PRKN: variants seen among roughly 807,000 people sequenced by gnomAD.
PRKN encodes the protein E3 ubiquitin-protein ligase parkin.
In PRKN, 56 loss-of-function variants were observed where a neutral mutation model predicts 59.5. The ratio of observed to expected loss-of-function variants is 0.94; its 90% CI spans 0.76 to 1.18. The LOEUF is 1.18. Among genes scored for constraint, PRKN ranks in the 50% most tolerant of loss-of-function variants. The pLI, the probability that PRKN is intolerant of heterozygous loss-of-function variation, is 0.00. For missense variants in PRKN, 657 were observed against 596.4 expected (o/e 1.10, Z -1.06); for synonymous variants, 250 against 222.1 (o/e 1.13, Z -1.12).
intron 6 of PRKN, among the ~76,000 whole-genome samples, chr6:161,910,609 G>A (rs1291225158): frequency 6.6e-6 from 1 of 152,168 alleles, no homozygotes; most frequent in African/African-American, 2.4e-5. Context: ...CTTTGACAGG[G>A]TTTGAGAGGA....
chr6:161,363,820 C>T lies in PRKN; in HGVS notation c.1168-3615G>A, dbSNP rs1037757718. Among the ~76,000 whole-genome samples the T allele has an allele frequency of 1.3e-5, 2 of 152,058 alleles. No individual in the cohort carries two copies. Among genetic ancestry groups the T allele is most frequent in the Non-Finnish European group, 2.9e-5 (2 of 68,000 alleles). ...TTAAGAATGAGCATAAATAAAAACA[C>T]AGTAATAAAAAACAGCATTTCCCAT... On this transcript the variant is annotated intron_variant, in intron 10 of 11. Transcript: ENST00000366898. The surrounding 1 kb of genome is among the most constrained non-coding windows in gnomAD (Gnocchi z 4.1).
chr6:161,626,867 C>T lies in PRKN; in HGVS notation c.872-57451G>A, dbSNP rs117791744. Among the ~76,000 whole-genome samples the T allele has an allele frequency of 3.3e-3, 501 of 152,280 alleles. 11 individuals carry two copies. The East Asian group carries it at 0.055, about 17-fold the overall frequency. The stretch of plus-strand genomic sequence containing the variant: ...CACACTTGTGGATAATTAACATGGT[C>T]ACCCTCCCCCCACCACCCAGAGCAG... On this transcript the variant is annotated intron_variant, in intron 7 of 11. Transcript: ENST00000366898.
intron 7 of PRKN, among the ~76,000 whole-genome samples, chr6:161,607,342 G>C (rs1782320439): frequency 6.6e-6 from 1 of 152,116 alleles, no homozygotes; most frequent in African/African-American, 2.4e-5. Context: ...GACATCTGGA[G>C]AAAGTCTTCA....
In PRKN at chr6:161,533,755, C is replaced by T. The variant is rs1233322453; in HGVS notation, c.1083+15099G>A. Among the ~76,000 whole-genome samples, 3 of 152,058 alleles carry T rather than the reference C, an allele frequency of 2.0e-5. 1 individual carries two copies. Among genetic ancestry groups the T allele is most frequent in the South Asian group, 4.1e-4 (2 of 4,830 alleles). On this transcript the variant is annotated intron_variant, in intron 9 of 11. Transcript: ENST00000366898. This position sits in a 1 kb window ranked among gnomAD's most constrained non-coding sequence, Gnocchi z 4.1. ...CTTGCAAGGAGCTGCCCTCCTCTCT[C>T]CTTTCTTCCGCCTGTTAAACTTTCC... is the stretch of plus-strand genomic sequence containing the variant.
chr6:161,803,494 TG>T (rs1791177353), intron 6 of PRKN, among the ~76,000 whole-genome samples: 1 of 152,172 alleles, frequency 6.6e-6, no homozygotes, highest in Non-Finnish European at 1.5e-5. Context: ...GAACTGTCCT[TG>T]GGTAGCCACT....
chr6:161,801,401 G>C (rs1453263037), intron 6 of PRKN, among the ~76,000 whole-genome samples: 3 of 152,228 alleles, frequency 2.0e-5, no homozygotes, highest in Non-Finnish European at 4.4e-5. Flanking sequence ...GGGCTATAAA[G>C]GGCCTGGGGA....
intron 7 of PRKN, among the ~76,000 whole-genome samples, chr6:161,590,471 G>A (rs545274142): frequency 1.3e-5 from 2 of 152,266 alleles, no homozygotes; most frequent in East Asian, 1.9e-4. Context: ...GGTGGCGCAC[G>A]CCTGTAATCC....
At chr6:162,598,332 A>T (rs1040226601) in intron 1 of PRKN, among the ~76,000 whole-genome samples, 16 of 152,148 alleles carry the variant, frequency 1.1e-4, no homozygotes, top group African/African-American at 3.9e-4. Flanking sequence ...TCATTTATAT[A>T]CTATTTCAAC....
At chr6:162,399,213 C>T (rs993790681) in intron 2 of PRKN, among the ~76,000 whole-genome samples, 1 of 151,974 alleles carries the variant, frequency 6.6e-6, no homozygotes, top group African/African-American at 2.4e-5. Flanking sequence ...TGGAAGGAAG[C>T]CAGAGATATT....
intron 2 of PRKN, among the ~76,000 whole-genome samples, chr6:162,398,867 A>G (rs1465142512): frequency 5.3e-5 from 8 of 152,192 alleles, no homozygotes; most frequent in Admixed American, 5.2e-4. Flanking sequence ...TAAGAGGGCT[A>G]TTTTCTAATG....
chr6:161,967,671 G>A (rs192810645), intron 6 of PRKN, among the ~76,000 whole-genome samples: 17 of 152,296 alleles, frequency 1.1e-4, no homozygotes, highest in African/African-American at 4.1e-4. Context: ...GAGGCAGAAG[G>A]CTCCGTCATC....
In PRKN at chr6:161,357,426, C is replaced by T. The variant is rs1216399486; in HGVS notation, c.1285+2662G>A. 6.6e-6 allele frequency among the ~76,000 whole-genome samples: 1 copy of T among 152,216 alleles called. No individual in the cohort carries two copies. Among genetic ancestry groups the T allele is most frequent in the Non-Finnish European group, 1.5e-5 (1 of 68,040 alleles). ...ACCGAGGAGGCCACTAAGGCATGGACCCCAGACCTGCTGGGTAAATTCTCC... is the reference window on the plus strand; with the variant it reads ...ACCGAGGAGGCCACTAAGGCATGGATCCCAGACCTGCTGGGTAAATTCTCC... On this transcript the variant is annotated intron_variant, in intron 11 of 11. Transcript: ENST00000366898. The surrounding 1 kb of genome is among the most constrained non-coding windows in gnomAD (Gnocchi z 5.5).
intron 7 of PRKN, among the ~76,000 whole-genome samples, chr6:161,577,927 G>C (rs1781194219): frequency 6.6e-6 from 1 of 152,086 alleles, no homozygotes; most frequent in South Asian, 2.1e-4. Flanking sequence ...TTGGCCGGAG[G>C]TGAATTCCAA....
rs538895472 is a variant in PRKN, at chr6:161,448,791, G to A, written c.1084-61914C>T. Among the ~76,000 whole-genome samples, 6 of 152,238 alleles carry A rather than the reference G, an allele frequency of 3.9e-5. No individual in the cohort carries two copies. In the East Asian group the frequency reaches 9.6e-4, roughly 24 times the overall value. On this transcript the variant is annotated intron_variant, in intron 9 of 11. Coordinates refer to ENST00000366898, the MANE Select transcript of PRKN (RefSeq NM_004562.3). This position sits in a 1 kb window ranked among gnomAD's most constrained non-coding sequence, Gnocchi z 5.1. ...GCATTAGCTGTTCCTCTACCCTTTC[G>A]TTTCTTTGCTGGACAATCCTTATAA...
Position 161,560,225 on chromosome 6 carries a change from T to C in PRKN, c.933+9130A>G, listed in dbSNP as rs1780406151. Among the ~76,000 whole-genome samples, 1 of 152,210 alleles carries C rather than the reference T, an allele frequency of 6.6e-6. No homozygotes were observed. Among genetic ancestry groups the C allele is most frequent in the Non-Finnish European group, 1.5e-5 (1 of 68,034 alleles). On this transcript the variant is annotated intron_variant, in intron 8 of 11. Coordinates refer to ENST00000366898, the MANE Select transcript of PRKN (RefSeq NM_004562.3). The surrounding 1 kb of genome is among the most constrained non-coding windows in gnomAD (Gnocchi z 4.9). ...CTAACTGCCCTGTATAATCAGCCTTTTGAAAGGTTTCCCTGTCCACACTGA... is the reference window on the plus strand; with the variant it reads ...CTAACTGCCCTGTATAATCAGCCTTCTGAAAGGTTTCCCTGTCCACACTGA...
chr6:161,471,246 A>G lies in PRKN; in HGVS notation c.1083+77608T>C, dbSNP rs912710952. Among the ~76,000 whole-genome samples, 7 of 152,218 alleles carry G rather than the reference A, an allele frequency of 4.6e-5. No individual in the cohort carries two copies. Among genetic ancestry groups the G allele is most frequent in the African/African-American group, 1.7e-4 (7 of 41,468 alleles). ...AGAAAAATGCTCTTTCAAAAAGCCTAGAAAGAAATATAGCCAAACATTAGC... is the reference window on the plus strand; with the variant it reads ...AGAAAAATGCTCTTTCAAAAAGCCTGGAAAGAAATATAGCCAAACATTAGC... On this transcript the variant is annotated intron_variant, in intron 9 of 11. Coordinates refer to ENST00000366898, the MANE Select transcript of PRKN (RefSeq NM_004562.3). This position sits in a 1 kb window ranked among gnomAD's most constrained non-coding sequence, Gnocchi z 4.5.
rs190006184 is a variant in PRKN at position 162,255,573 on chromosome 6, G to A, written c.412+6952C>T. ...CTGCATTTCTGATAAACTCCCAATTGCTGCTGCTGGCCCACAGATCACACT... is the reference window on the plus strand; with the variant it reads ...CTGCATTTCTGATAAACTCCCAATTACTGCTGCTGGCCCACAGATCACACT... On this transcript the variant is annotated intron_variant, in intron 3 of 11. Transcript: ENST00000366898. Among the ~76,000 whole-genome samples, 492 of 152,218 alleles carry A rather than the reference G, an allele frequency of 3.2e-3. 1 individual carries two copies. Among genetic ancestry groups the A allele is most frequent in the Admixed American group, 5.2e-3 (80 of 15,298 alleles).
intron 9 of PRKN, among the ~76,000 whole-genome samples, chr6:161,426,311 G>C (rs1213213256): frequency 1.3e-5 from 2 of 152,068 alleles, no homozygotes; most frequent in Non-Finnish European, 2.9e-5. Context: ...ATTGATCATG[G>C]GTATGTCTGT....
intron 4 of PRKN, among the ~76,000 whole-genome samples, chr6:162,063,877 A>T (rs986451728): frequency 3.3e-5 from 5 of 152,338 alleles, no homozygotes; most frequent in African/African-American, 1.2e-4. Flanking sequence ...ACATATAGTT[A>T]AACTATGACT....
Sources: allele counts gnomAD v4.1 joint callset (sites outside exome capture counted in the v4.1 genomes callset), GRCh38; gene constraint gnomAD v4.1.1; non-coding constraint Gnocchi (gnomAD v3.1); transcripts MANE v1.5; gene names NCBI Gene and HGNC (gene_info 2026-07-23, HGNC 2026-07-21).